The following ABCG2 variants were observed in gnomAD, a reference collection of about 807,000 sequenced individuals.
ABCG2 encodes ATP binding cassette subfamily G member 2 (JR blood group).
In ABCG2, 80 loss-of-function variants were observed where a neutral mutation model predicts 73.5. The observed-to-expected ratio is 1.09, with a 90% confidence interval of 0.91 to 1.31. The LOEUF is 1.31. ABCG2 is among the 50% of genes most tolerant of loss of function. The probability of loss-of-function intolerance (pLI) is 0.00; values close to 1 mark genes in which losing one functional copy is unlikely to be tolerated. For synonymous variants in ABCG2, 269 were observed against 282.4 expected, an observed-to-expected ratio of 0.95 and a Z score of 0.48; for missense variants, 796 against 786.2, an observed-to-expected ratio of 1.01 and a Z score of -0.15.
intron 1 of ABCG2, among the ~76,000 whole-genome samples, chr4:88,211,111 A>AT (rs1553900178): frequency 6.6e-6 from 1 of 151,020 alleles, no homozygotes; most frequent in Non-Finnish European, 1.5e-5. Flanking sequence ...AAATAAAAAA[A>AT]ATATATATAT....
intron 1 of ABCG2, among the ~76,000 whole-genome samples, chr4:88,142,444 T>C (rs1253029779): frequency 6.6e-6 from 1 of 152,170 alleles, no homozygotes; most frequent in Admixed American, 6.5e-5. Context: ...GTCTATTCAT[T>C]TGGAGTCTGG....
chr4:88,166,702 TTAGA>T (rs1300336957), intron 1 of ABCG2, among the ~76,000 whole-genome samples: 2 of 152,174 alleles, frequency 1.3e-5, no homozygotes, highest in African/African-American at 2.4e-5. Context: ...AGGTAAAGGG[TTAGA>T]TAAATTCTAG....
chr4:88,138,127 T>C (rs773674941), intron 2 of ABCG2, among the ~76,000 whole-genome samples: 4 of 152,212 alleles, frequency 2.6e-5, no homozygotes, highest in Admixed American at 1.3e-4. Context: ...GCTTAGGTGA[T>C]GCAGCAGGAC....
At chr4:88,210,056 G>A (rs933368228) in intron 1 of ABCG2, among the ~76,000 whole-genome samples, 2 of 152,136 alleles carry the variant, frequency 1.3e-5, no homozygotes, top group Admixed American at 6.6e-5. Context: ...TAAGCATCCT[G>A]TATAAGACTA....
chr4:88,157,209 A>T (rs1455808563), intron 1 of ABCG2, among the ~76,000 whole-genome samples: 1 of 56,300 alleles, frequency 1.8e-5, no homozygotes, highest in Non-Finnish European at 5.0e-5. Flanking sequence ...TCATGACACT[A>T]AACATCAAGC....
At chr4:88,141,543 G>A (rs1725642583) in intron 1 of ABCG2, among the ~76,000 whole-genome samples, 1 of 152,162 alleles carries the variant, frequency 6.6e-6, no homozygotes. Flanking sequence ...AAAGCATTAT[G>A]CTCTGGGAAT....
At chr4:88,211,149 T>C (rs961023051) in intron 1 of ABCG2, among the ~76,000 whole-genome samples, 1 of 151,848 alleles carries the variant, frequency 6.6e-6, no homozygotes, top group Non-Finnish European at 1.5e-5. Flanking sequence ...AGAGAGTAGT[T>C]TGGCTAATTA....
intron 1 of ABCG2, among the ~76,000 whole-genome samples, chr4:88,152,299 T>C (rs1038793837): frequency 6.6e-6 from 1 of 152,198 alleles, no homozygotes; most frequent in Non-Finnish European, 1.5e-5. Flanking sequence ...TCCTCTATAA[T>C]GTTTAAACTT....
At chr4:88,221,452 G>T (rs575627566) in intron 1 of ABCG2, among the ~76,000 whole-genome samples, 239 of 152,248 alleles carry the variant, frequency 1.6e-3, no homozygotes, top group African/African-American at 5.4e-3. Context: ...CAGTTTGGAG[G>T]GCTCAGAAGA....
chr4:88,178,117 C>T (rs1728084076), intron 1 of ABCG2, among the ~76,000 whole-genome samples: 2 of 152,258 alleles, frequency 1.3e-5, no homozygotes, highest in South Asian at 4.1e-4. Context: ...CTTGCACCAA[C>T]CCTTACCCAA....
chr4:88,096,926 G>A (rs890906582), intron 13 of ABCG2, among the ~76,000 whole-genome samples: 1 of 152,046 alleles, frequency 6.6e-6, no homozygotes, highest in Admixed American at 6.6e-5. Flanking sequence ...CTTCTTATGA[G>A]GCTTAATATG....
chr4:88,091,196 AT>A lies in ABCG2; in HGVS notation c.*1037del, dbSNP rs1721625392. 6.6e-6 allele frequency: 1 copy of A among 152,236 alleles called. No individual in the cohort carries two copies. The highest frequency in any genetic ancestry group is 6.5e-5 in the Admixed American group (1 of 15,288). 9.4% of individuals were successfully genotyped at this position (152,236 alleles called of 1,614,324 possible). A position where few individuals can be genotyped will look rare whatever the true frequency, so the allele number is the denominator to read the frequency against. On this transcript the variant is annotated 3_prime_UTR_variant, in exon 16 of 16. Coordinates refer to ENST00000237612, the MANE Select transcript of ABCG2 (RefSeq NM_004827.3). Reference sequence around the variant, plus strand: ...TCTTGACCTGAATTGATGGTTGCACATGTGTGTTCATTTTAATTCACTGAAC... The same window carrying A: ...TCTTGACCTGAATTGATGGTTGCACAGTGTGTTCATTTTAATTCACTGAAC...
intron 7 of ABCG2, among the ~76,000 whole-genome samples, 198 bp from the exon 8 acceptor site, chr4:88,115,256 C>CTCTCTCTCTCTCTCTCTCTATA (rs1309360818): frequency 1.2e-3 from 84 of 69,852 alleles, no homozygotes; most frequent in African/African-American, 3.7e-3. Context: ...CTCTCTCTCT[C>CTCTCTCTCTCTCTCTCTCTATA]TATATATATA....
At chr4:88,096,263 G>A (rs1721977092) in intron 13 of ABCG2, among the ~76,000 whole-genome samples, 1 of 152,178 alleles carries the variant, frequency 6.6e-6, no homozygotes, top group Non-Finnish European at 1.5e-5. Context: ...GCTGAAGATT[G>A]ACAAGAGAAC....
At chr4:88,215,701 G>A (rs548076721) in intron 1 of ABCG2, among the ~76,000 whole-genome samples, 23 of 152,326 alleles carry the variant, frequency 1.5e-4, no homozygotes, top group Admixed American at 7.8e-4. Flanking sequence ...CACAGAGATG[G>A]AATAGTAATC....
At chr4:88,188,339 G>A (rs1017771890) in intron 1 of ABCG2, among the ~76,000 whole-genome samples, 8 of 151,808 alleles carry the variant, frequency 5.3e-5, no homozygotes, top group African/African-American at 1.7e-4. Flanking sequence ...TGGTCTAAAC[G>A]TCTGTCTCTA....
At chr4:88,154,398 G>A (rs1726773723) in intron 1 of ABCG2, among the ~76,000 whole-genome samples, 1 of 152,232 alleles carries the variant, frequency 6.6e-6, no homozygotes, top group Non-Finnish European at 1.5e-5. Flanking sequence ...TTTAGAGTCA[G>A]TATAAATATT....
rs1347586611 is a variant in ABCG2 at position 88,090,408 on chromosome 4, G to C, written c.*1826C>G. 1.3e-5 allele frequency: 2 copies of C among 152,050 alleles called. No homozygotes were observed. Among genetic ancestry groups the C allele is most frequent in the Non-Finnish European group, 2.9e-5 (2 of 68,008 alleles). 9.4% of individuals were successfully genotyped at this position (152,050 alleles called of 1,614,324 possible). A position where few individuals can be genotyped will look rare whatever the true frequency, so the allele number is the denominator to read the frequency against. The stretch of plus-strand genomic sequence containing the variant: ...AGGGTATATATAGAGAACTGTAAGG[G>C]ACAGGTATGTGAAAAGCAGGAATTA... On this transcript the variant is annotated 3_prime_UTR_variant, in exon 16 of 16. Coordinates refer to ENST00000237612, the MANE Select transcript of ABCG2 (RefSeq NM_004827.3).
At position 88,132,940 on chromosome 4, in the gene ABCG2, T is replaced by C. The variant is rs377342409; in HGVS notation, c.204-305A>G. Among the ~76,000 whole-genome samples the C allele has an allele frequency of 6.6e-5, 10 of 152,212 alleles. No homozygotes were observed. The South Asian group carries it at 2.1e-3, about 32-fold the overall frequency. On this transcript the variant is annotated intron_variant, in intron 2 of 15. Transcript: ENST00000237612. ...AAAAAAAAAGATTGTTGATTTGATG[T>C]GTAATATATAATGGATGTTAATCAC... is the stretch of plus-strand genomic sequence containing the variant.
Sources: gnomAD v4.1 joint callset for allele counts (sites outside exome capture counted in the v4.1 genomes callset) on GRCh38, gnomAD v4.1.1 for gene constraint, MANE v1.5 for transcripts, NCBI Gene and HGNC (gene_info 2026-07-23, HGNC 2026-07-21) for gene names.